SECISBP2L: variants seen among roughly 807,000 people sequenced by gnomAD.
The protein encoded by SECISBP2L is selenocysteine insertion sequence-binding protein 2-like.
Under a neutral mutation model 114.7 loss-of-function variants are expected in SECISBP2L, and 43 were observed. The observed-to-expected ratio is 0.38, with a 90% CI of 0.29 to 0.48. The LOEUF (loss-of-function observed/expected upper bound fraction) is 0.48, where lower values mean the gene tolerates loss of function less well. SECISBP2L is among the 20% of genes least tolerant of loss of function. The pLI, the probability that SECISBP2L is intolerant of heterozygous loss-of-function variation, is 0.98. For missense variants in SECISBP2L, 1,136 were observed against 1,301.1 expected (o/e 0.87, Z 1.95); for synonymous variants, 451 against 439.7 (o/e 1.03, Z -0.32).
chr15:49,032,955 C>G lies in SECISBP2L; in HGVS notation c.664+10G>C, dbSNP rs768353786. 5.0e-6 allele frequency: 8 copies of G among 1,612,764 alleles called. No individual in the cohort carries two copies. Among genetic ancestry groups the G allele is most frequent in the Non-Finnish European group, 5.1e-6 (6 of 1,179,490 alleles). On this transcript the variant is annotated intron_variant, in intron 4 of 17. Coordinates refer to ENST00000559471, the MANE Select transcript of SECISBP2L (RefSeq NM_001193489.2). ...AATCAGTGACGCACATGTAAGAACCCTTGCCTTACCAGTTTGCTGTGAAGC... is the reference window on the plus strand; with the variant it reads ...AATCAGTGACGCACATGTAAGAACCGTTGCCTTACCAGTTTGCTGTGAAGC...
intron 13 of SECISBP2L, among the ~76,000 whole-genome samples, 197 bp from the exon 14 acceptor site, chr15:49,009,575 T>A (rs1056890246): frequency 6.6e-6 from 1 of 152,174 alleles, no homozygotes; most frequent in Non-Finnish European, 1.5e-5. Context: ...TCCTATTGTC[T>A]GTTGAAGTAT....
At chr15:48,996,920 T>C (rs1368223647) in intron 16 of SECISBP2L, among the ~76,000 whole-genome samples, 2 of 152,204 alleles carry the variant, frequency 1.3e-5, no homozygotes, top group African/African-American at 4.8e-5. Context: ...GAACATCAAC[T>C]CTACTCTCAA....
chr15:49,031,897 C>G (rs1273785430), intron 4 of SECISBP2L, among the ~76,000 whole-genome samples: 1 of 152,140 alleles, frequency 6.6e-6, no homozygotes, highest in Non-Finnish European at 1.5e-5. Context: ...TGACTAGAGA[C>G]AACCAAACCA....
Position 49,000,888 on chromosome 15 carries a change from AT to A in SECISBP2L, c.2236del (p.Ile746SerfsTer15). On this transcript the variant is annotated frameshift_variant, in exon 15 of 18. Transcript: ENST00000559471. LOFTEE classifies it high-confidence loss of function. ...CVIISPNCEK[I>X]QSKGGLDEAL... ...CAAAAAGCGCATACCTTTTGACTGG[AT>A]TTTTTCACAGTTTGGAGAAATTATA... is the stretch of plus-strand genomic sequence containing the variant. 6.2e-7 allele frequency: 1 copy of A among 1,612,668 alleles called. No individual in the cohort carries two copies. Among genetic ancestry groups the A allele is most frequent in the Non-Finnish European group, 8.5e-7 (1 of 1,179,520 alleles).
intron 9 of SECISBP2L, 57 bp from the exon 10 acceptor site, chr15:49,017,072 G>C: frequency 3.9e-6 from 6 of 1,552,898 alleles, no homozygotes. Flanking sequence ...CAATCATAAG[G>C]AAAAAGGATC....
At chr15:49,012,945 A>T (rs1209036588) in intron 11 of SECISBP2L, 128 bp from the exon 12 acceptor site, 2 of 836,476 alleles carry the variant, frequency 2.4e-6, no homozygotes, top group Non-Finnish European at 3.7e-6. Context: ...CAGTAGGAGC[A>T]CTATACATGG....
At position 49,017,587 on chromosome 15, in the gene SECISBP2L, A is replaced by G. The variant is rs199862094; in HGVS notation, c.1212T>C (p.Ala404=). The part of the protein sequence containing the change: ...GFQELNENGN[A]KDENIQQKLS... ...GTTTTTGTTGAATATTCTCATCCTT[A>G]GCATTTCCATTCTCATTTAGTTCTT... The change falls in exon 9 of 18, where the codon GCT becomes GCC. Residue 404 remains alanine, a synonymous_variant. Coordinates refer to ENST00000559471, the MANE Select transcript of SECISBP2L (RefSeq NM_001193489.2). The G allele has an allele frequency of 6.2e-7, 1 of 1,608,842 alleles. No homozygotes were observed. Among genetic ancestry groups the G allele is most frequent in the African/African-American group, 1.3e-5 (1 of 74,832 alleles).
At chr15:48,997,039 T>G (rs1353368901) in intron 16 of SECISBP2L, among the ~76,000 whole-genome samples, 1 of 152,172 alleles carries the variant, frequency 6.6e-6, no homozygotes, top group Non-Finnish European at 1.5e-5. Flanking sequence ...AGTTGAGGCA[T>G]CAACTCTAAA....
At chr15:49,003,735 T>C (rs895960286) in intron 14 of SECISBP2L, among the ~76,000 whole-genome samples, 8 of 152,248 alleles carry the variant, frequency 5.3e-5, no homozygotes, top group Non-Finnish European at 1.2e-4. Context: ...ATGTGATGGA[T>C]TACGTTTACT....
chr15:49,034,786 C>T (rs563173409), intron 3 of SECISBP2L, among the ~76,000 whole-genome samples: 52 of 151,752 alleles, frequency 3.4e-4, no homozygotes, highest in African/African-American at 1.3e-3. Context: ...CACCTCAGCC[C>T]CCAAGTAGCT....
intron 4 of SECISBP2L, among the ~76,000 whole-genome samples, chr15:49,030,365 G>C (rs927123680): frequency 1.3e-5 from 2 of 152,022 alleles, no homozygotes; most frequent in Admixed American, 6.5e-5. Flanking sequence ...TCTCTTTCTA[G>C]GGGGAGGCTC....
intron 14 of SECISBP2L, among the ~76,000 whole-genome samples, chr15:49,002,977 T>C (rs564763153): frequency 6.6e-6 from 1 of 152,344 alleles, no homozygotes; most frequent in East Asian, 1.9e-4. Context: ...TTTTTTCTAA[T>C]TCTGTGAAGA....
At position 49,019,459 on chromosome 15, in the gene SECISBP2L, A is replaced by G; in HGVS notation, c.1129T>C (p.Ser377Pro). Residue 377 changes from serine (S) to proline (P), a missense_variant, in exon 8 of 18, where the codon TCC becomes CCC. By Grantham distance (74) the Ser-to-Pro change is moderately conservative. This residue lies in a region of SECISBP2L where 452 missense variants were observed against 452.3 expected (regional missense o/e 1.00). Coordinates refer to ENST00000559471, the MANE Select transcript of SECISBP2L (RefSeq NM_001193489.2). ...TCAGAATTTGGATCGCTTCTATGGG[A>G]TTGACTAGAGCTTAAATGCTTATTA... ...PDNKHLSSSQ[S>P]HRSDPNSESL... 6.7e-7 allele frequency: 1 copy of G among 1,499,382 alleles called. No homozygotes were observed. Among genetic ancestry groups the G allele is most frequent in the African/African-American group, 1.4e-5 (1 of 70,924 alleles). 92.9% of individuals were successfully genotyped at this position (1,499,382 alleles called of 1,614,324 possible).
intron 3 of SECISBP2L, among the ~76,000 whole-genome samples, chr15:49,034,424 T>C (rs987586132): frequency 6.6e-6 from 1 of 152,002 alleles, no homozygotes; most frequent in Admixed American, 6.5e-5. Flanking sequence ...TTCTTTCTTT[T>C]TTTTTTTTTA....
At chr15:49,016,740 G>A (rs1220780346) in intron 10 of SECISBP2L, 39 bp from the exon 11 acceptor site, 2 of 1,516,086 alleles carry the variant, frequency 1.3e-6, no homozygotes, top group Admixed American at 4.4e-5. Context: ...TTTTGTTATA[G>A]TACGAAACTG....
At chr15:49,044,205 T>A (rs140184674) in intron 1 of SECISBP2L, among the ~76,000 whole-genome samples, 189 of 152,238 alleles carry the variant, frequency 1.2e-3, no homozygotes, top group Non-Finnish European at 1.7e-3. Flanking sequence ...TGACACATAT[T>A]ACATATACTT....
rs769635839 is a variant in SECISBP2L at position 48,992,704 on chromosome 15, T to C, written c.2846A>G (p.Asp949Gly). 31 of 1,614,106 alleles carry C rather than the reference T, an allele frequency of 1.9e-5. No individual in the cohort carries two copies. The highest frequency in any genetic ancestry group is 1.6e-4 in the Middle Eastern group (1 of 6,082). ...CTGCTGTGAGGCCCATTCCAGGTCA[T>C]CTGGCTTCACTTCCTCTTTATCACT... ...TASDKEEVKP[D>G]DLEWASQQST... The change falls in exon 18 of 18, where the codon GAT becomes GGT. Residue 949 changes from aspartate to glycine, a missense_variant. By Grantham distance (94) the Asp-to-Gly change is moderately conservative (BLOSUM62 -1). Around this residue, in one of 2 missense-constraint regions of SECISBP2L, gnomAD observed 684 missense variants for 848.7 expected, o/e 0.81. Transcript: ENST00000559471.
chr15:49,029,256 T>C (rs1902831943), intron 4 of SECISBP2L, among the ~76,000 whole-genome samples: 1 of 152,234 alleles, frequency 6.6e-6, no homozygotes, highest in Admixed American at 6.5e-5. Flanking sequence ...CGTCAATCTT[T>C]TGAAGGTCAC....
intron 17 of SECISBP2L, among the ~76,000 whole-genome samples, chr15:48,993,621 G>A (rs1443537454): frequency 6.6e-6 from 1 of 152,032 alleles, no homozygotes; most frequent in Non-Finnish European, 1.5e-5. Context: ...AATGGGACAT[G>A]TGTTTCCAAT....
Sources: gnomAD v4.1 joint callset for allele counts (sites outside exome capture counted in the v4.1 genomes callset) on GRCh38, gnomAD v4.1.1 for gene constraint, gnomAD v4.1.1 regional missense constraint, MANE v1.5 for transcripts, NCBI Gene and HGNC (gene_info 2026-07-23, HGNC 2026-07-21) for gene names.